CACNA2D3: variants seen among roughly 807,000 people sequenced by gnomAD.
CACNA2D3 encodes the protein calcium voltage-gated channel auxiliary subunit alpha2delta 3.
CACNA2D3 carries 60 observed loss-of-function variants against 160.6 expected under a neutral mutation model. That is an observed-to-expected ratio of 0.37 (90% CI 0.30 to 0.46). The LOEUF (loss-of-function observed/expected upper bound fraction) is 0.46, where lower values mean the gene tolerates loss of function less well. CACNA2D3 is among the 20% of genes least tolerant of loss of function. CACNA2D3 has a pLI of 1.00. For synonymous variants in CACNA2D3, 558 were observed against 492.9 expected (o/e 1.13, Z -1.75); for missense variants, 1,205 against 1,365.0 (o/e 0.88, Z 1.85).
At chr3:54,776,107 A>G (rs1316764853) in intron 13 of CACNA2D3, among the ~76,000 whole-genome samples, 1 of 152,050 alleles carries the variant, frequency 6.6e-6, no homozygotes, top group African/African-American at 2.4e-5. Flanking sequence ...TACACAACTC[A>G]CTCTAGCCCA....
chr3:55,041,283 C>G (rs942061132), intron 35 of CACNA2D3, among the ~76,000 whole-genome samples: 1 of 152,152 alleles, frequency 6.6e-6, no homozygotes, highest in African/African-American at 2.4e-5. Context: ...GATTCATAGA[C>G]TTGGGATTGC....
At chr3:54,568,876 C>A (rs1702449581) in intron 6 of CACNA2D3, among the ~76,000 whole-genome samples, 1 of 152,146 alleles carries the variant, frequency 6.6e-6, no homozygotes, top group African/African-American at 2.4e-5. Flanking sequence ...CTGTTATTAG[C>A]CCATTGTGGT....
intron 2 of CACNA2D3, among the ~76,000 whole-genome samples, chr3:54,318,627 T>A (rs937453816): frequency 3.3e-5 from 5 of 151,640 alleles, no homozygotes; most frequent in African/African-American, 1.2e-4. Flanking sequence ...CCTATGCCAG[T>A]GAATACGGGG....
intron 2 of CACNA2D3, among the ~76,000 whole-genome samples, chr3:54,209,400 G>T (rs918755241): frequency 1.3e-5 from 2 of 152,152 alleles, no homozygotes; most frequent in Non-Finnish European, 2.9e-5. Flanking sequence ...CTGGGGCTGG[G>T]TCTCATAGAT....
intron 3 of CACNA2D3, among the ~76,000 whole-genome samples, chr3:54,321,554 G>A (rs1255452174): frequency 6.6e-6 from 1 of 152,158 alleles, no homozygotes; most frequent in Non-Finnish European, 1.5e-5. Flanking sequence ...TTTAAGGACC[G>A]TATATGTACT....
intron 2 of CACNA2D3, among the ~76,000 whole-genome samples, chr3:54,295,678 G>A (rs1703327154): frequency 6.6e-6 from 1 of 152,218 alleles, no homozygotes; most frequent in South Asian, 2.1e-4. Context: ...CTAGCTTAGT[G>A]AAATAGTAAG....
At chr3:54,493,507 G>T (rs1575487722) in intron 4 of CACNA2D3, among the ~76,000 whole-genome samples, 1 of 151,704 alleles carries the variant, frequency 6.6e-6, no homozygotes, top group Non-Finnish European at 1.5e-5. Flanking sequence ...TTTTGTCTCT[G>T]AACTCCCCAT....
chr3:54,555,892 C>T (rs1215467475), intron 5 of CACNA2D3, among the ~76,000 whole-genome samples: 2 of 152,168 alleles, frequency 1.3e-5, no homozygotes, highest in Admixed American at 1.3e-4. Flanking sequence ...TTTAATCCAA[C>T]TTAGTGCATT....
chr3:55,010,989 C>T (rs1386292337), intron 34 of CACNA2D3, among the ~76,000 whole-genome samples: 1 of 152,214 alleles, frequency 6.6e-6, no homozygotes, highest in Non-Finnish European at 1.5e-5. Context: ...GATTCAATAT[C>T]CTAACAAATC....
chr3:54,506,573 C>G (rs74879076), intron 5 of CACNA2D3, among the ~76,000 whole-genome samples: 83 of 152,310 alleles, frequency 5.4e-4, no homozygotes, highest in Non-Finnish European at 1.0e-3. Flanking sequence ...AGGTGCCTTT[C>G]TCTTGAGCAC....
chr3:54,836,946 T>C (rs1698703804), intron 14 of CACNA2D3, among the ~76,000 whole-genome samples: 1 of 152,212 alleles, frequency 6.6e-6, no homozygotes, highest in South Asian at 2.1e-4. Context: ...GAGTGACTAA[T>C]GACAAATGAT....
chr3:54,360,724 T>C (rs1698727576), intron 3 of CACNA2D3, among the ~76,000 whole-genome samples: 3 of 152,198 alleles, frequency 2.0e-5, no homozygotes, highest in Admixed American at 6.5e-5. Context: ...TCTACACATA[T>C]TTCTTGGGGC....
rs142229029 is a variant in CACNA2D3 at position 54,901,594 on chromosome 3, G to A, written c.2449+1726G>A. On this transcript the variant is annotated intron_variant, in intron 27 of 37. Coordinates refer to ENST00000474759, the MANE Select transcript of CACNA2D3 (RefSeq NM_018398.3). ...GTTTGGTCCACCCTGAGTGGGTGGA[G>A]AAGGCACCCTCCTATTTACTGCTTC... 3.2e-3 allele frequency among the ~76,000 whole-genome samples: 490 copies of A among 152,298 alleles called. 2 individuals are homozygous for A. Among genetic ancestry groups the A allele is most frequent in the African/African-American group, 0.011 (467 of 41,576 alleles).
chr3:54,953,633 C>T (rs142307418), intron 27 of CACNA2D3, among the ~76,000 whole-genome samples: 20 of 152,300 alleles, frequency 1.3e-4, no homozygotes, highest in African/African-American at 4.6e-4. Context: ...GACTTCTGTC[C>T]ATGCTAAAAG....
intron 11 of CACNA2D3, among the ~76,000 whole-genome samples, chr3:54,719,321 T>C (rs896535097): frequency 3.3e-5 from 5 of 151,986 alleles, no homozygotes; most frequent in African/African-American, 1.2e-4. Context: ...CATATTCTTT[T>C]TAAGGTTAAA....
chr3:54,692,650 G>C (rs540743805), intron 11 of CACNA2D3, among the ~76,000 whole-genome samples: 39 of 152,246 alleles, frequency 2.6e-4, no homozygotes, highest in African/African-American at 9.1e-4. Flanking sequence ...CCAAGCCTCA[G>C]CTCTCTGGAC....
At chr3:54,959,330 G>A (rs1270131533) in intron 27 of CACNA2D3, among the ~76,000 whole-genome samples, 1 of 152,184 alleles carries the variant, frequency 6.6e-6, no homozygotes, top group African/African-American at 2.4e-5. Flanking sequence ...TCCCTCCAGG[G>A]AGCTGGGTGT....
intron 2 of CACNA2D3, among the ~76,000 whole-genome samples, chr3:54,267,878 A>T (rs1559902144): frequency 1.3e-5 from 2 of 152,138 alleles, no homozygotes; most frequent in Non-Finnish European, 2.9e-5. Flanking sequence ...CATCCATATA[A>T]TGATTTTGGG....
intron 2 of CACNA2D3, among the ~76,000 whole-genome samples, chr3:54,291,486 C>T (rs946450331): frequency 6.6e-6 from 1 of 152,058 alleles, no homozygotes. Flanking sequence ...CATAGAACCT[C>T]TTGTCATTTT....
Sources: allele counts gnomAD v4.1 joint callset (sites outside exome capture counted in the v4.1 genomes callset), GRCh38; gene constraint gnomAD v4.1.1; transcripts MANE v1.5; gene names NCBI Gene and HGNC (gene_info 2026-07-23, HGNC 2026-07-21).